Variants in COL8A1 observed in about 807,000 individuals in gnomAD.
COL8A1 encodes collagen type VIII alpha 1 chain, also known as collagen alpha-1(VIII) chain.
A neutral mutation model predicts 42.7 loss-of-function variants in COL8A1; 21 were observed. The observed-to-expected ratio is 0.49, with a 90% CI of 0.35 to 0.71. The LOEUF is 0.71. Ranked by LOEUF, COL8A1 falls within the 30% of genes least tolerant of loss-of-function variation. The pLI is 0.01. For synonymous variants in COL8A1, 367 were observed against 369.1 expected, an observed-to-expected ratio of 0.99 and a Z score of 0.06; for missense variants, 788 against 962.4, an observed-to-expected ratio of 0.82 and a Z score of 2.40.
intron 2 of COL8A1, among the ~76,000 whole-genome samples, chr3:99,766,320 CCATAGGCTCTT>C (rs1289373509): frequency 3.9e-5 from 6 of 152,256 alleles, no homozygotes; most frequent in Non-Finnish European, 8.8e-5. Flanking sequence ...ACCCTGCAGC[CCATAGGCTCTT>C]TCCACCTTGC....
intron 1 of COL8A1, among the ~76,000 whole-genome samples, chr3:99,731,700 C>T (rs750608758): frequency 6.6e-6 from 1 of 152,028 alleles, no homozygotes; most frequent in Non-Finnish European, 1.5e-5. Flanking sequence ...AAAACTGACT[C>T]ATTTGTTTTG....
At chr3:99,669,146 T>TATATATATATAGAGAGAG in intron 1 of COL8A1, among the ~76,000 whole-genome samples, 2 of 115,390 alleles carry the variant, frequency 1.7e-5, no homozygotes, top group Admixed American at 1.9e-4. Flanking sequence ...TATATATATA[T>TATATATATATAGAGAGAG]AGAGGGAGAG....
chr3:99,660,757 G>C (rs1356992604), intron 1 of COL8A1, among the ~76,000 whole-genome samples: 5 of 152,172 alleles, frequency 3.3e-5, no homozygotes, highest in Admixed American at 6.5e-5. Flanking sequence ...TTTTACCCTA[G>C]GGCTGGGGGC....
chr3:99,693,141 G>T (rs180856143), intron 1 of COL8A1, among the ~76,000 whole-genome samples: 131 of 152,244 alleles, frequency 8.6e-4, no homozygotes, highest in African/African-American at 3.0e-3. Context: ...AGTGAGCCAG[G>T]ATTGTGCCAT....
At chr3:99,688,469 C>T (rs1281311272) in intron 1 of COL8A1, among the ~76,000 whole-genome samples, 1 of 152,034 alleles carries the variant, frequency 6.6e-6, no homozygotes, top group Non-Finnish European at 1.5e-5. Context: ...TGACTTTTAC[C>T]CTCCCTCTAT....
At chr3:99,644,524 T>G (rs1937608841) in intron 1 of COL8A1, among the ~76,000 whole-genome samples, 1 of 152,270 alleles carries the variant, frequency 6.6e-6, no homozygotes, top group African/African-American at 2.4e-5. Flanking sequence ...TTAGCCCAGA[T>G]GCTTCTTCAC....
intron 1 of COL8A1, among the ~76,000 whole-genome samples, chr3:99,721,033 G>A (rs928785340): frequency 6.6e-6 from 1 of 151,310 alleles, no homozygotes; most frequent in Non-Finnish European, 1.5e-5. Context: ...AGAAGGGGAG[G>A]AAAAGATGAA....
chr3:99,699,079 T>C (rs1006789012), intron 1 of COL8A1, among the ~76,000 whole-genome samples: 13 of 152,190 alleles, frequency 8.5e-5, no homozygotes, highest in African/African-American at 3.1e-4. Context: ...CTCCACGTGA[T>C]AAATTCAAAA....
At chr3:99,725,501 G>C (rs1258331116) in intron 1 of COL8A1, among the ~76,000 whole-genome samples, 1 of 150,512 alleles carries the variant, frequency 6.6e-6, no homozygotes, top group Non-Finnish European at 1.5e-5. Flanking sequence ...TGCCATGTTG[G>C]TGTGCTGCAC....
At chr3:99,738,321 T>C (rs1940794470) in intron 1 of COL8A1, among the ~76,000 whole-genome samples, 2 of 152,174 alleles carry the variant, frequency 1.3e-5, no homozygotes, top group African/African-American at 4.8e-5. Flanking sequence ...GAGTTTCCAG[T>C]TTTTCTGTTC....
At chr3:99,766,395 G>A (rs1480250539) in intron 2 of COL8A1, among the ~76,000 whole-genome samples, 2 of 152,178 alleles carry the variant, frequency 1.3e-5, no homozygotes, top group African/African-American at 2.4e-5. Context: ...TGGGAAAGAA[G>A]AACTGAGACT....
chr3:99,667,433 T>G (rs1644055840), intron 1 of COL8A1, among the ~76,000 whole-genome samples: 1 of 152,094 alleles, frequency 6.6e-6, no homozygotes, highest in Admixed American at 6.6e-5. Flanking sequence ...CAAGTGGGGT[T>G]TTGTTGTTGT....
At chr3:99,717,160 T>G (rs1250864517) in intron 1 of COL8A1, among the ~76,000 whole-genome samples, 1 of 152,072 alleles carries the variant, frequency 6.6e-6, no homozygotes, top group East Asian at 1.9e-4. Context: ...TGTTTTGTGC[T>G]ATATATAGAA....
intron 1 of COL8A1, among the ~76,000 whole-genome samples, chr3:99,744,015 G>A (rs991888444): frequency 5.3e-5 from 8 of 149,924 alleles, no homozygotes; most frequent in Non-Finnish European, 1.2e-4. Context: ...CGCAAGCTCC[G>A]CCTCCCAGGT....
At chr3:99,766,411 G>A (rs1941464030) in intron 2 of COL8A1, among the ~76,000 whole-genome samples, 1 of 152,120 alleles carries the variant, frequency 6.6e-6, no homozygotes, top group African/African-American at 2.4e-5. Context: ...AGACTTAACA[G>A]CTCACTCAAT....
chr3:99,648,135 A>G (rs932585438), intron 1 of COL8A1, among the ~76,000 whole-genome samples: 4 of 152,166 alleles, frequency 2.6e-5, no homozygotes, highest in African/African-American at 9.7e-5. Context: ...TCAACCCTAC[A>G]AGAAGGGTGT....
intron 2 of COL8A1, among the ~76,000 whole-genome samples, chr3:99,770,509 T>G (rs1941558053): frequency 6.6e-6 from 1 of 152,192 alleles, no homozygotes; most frequent in Non-Finnish European, 1.5e-5. Context: ...ATGTGTCAAA[T>G]GTTGTGCTAA....
At chr3:99,719,032 T>G (rs1036497119) in intron 1 of COL8A1, among the ~76,000 whole-genome samples, 2 of 152,084 alleles carry the variant, frequency 1.3e-5, no homozygotes, top group African/African-American at 4.8e-5. Flanking sequence ...TATAACTCTG[T>G]GTGGGCAAGT....
intron 1 of COL8A1, among the ~76,000 whole-genome samples, chr3:99,710,909 G>T (rs1205723485): frequency 1.3e-5 from 2 of 152,062 alleles, no homozygotes; most frequent in Non-Finnish European, 2.9e-5. Context: ...TAAATGTGAG[G>T]TAGAAAAAAT....
Sources: gnomAD v4.1 joint callset for allele counts (sites outside exome capture counted in the v4.1 genomes callset) on GRCh38, gnomAD v4.1.1 for gene constraint, MANE v1.5 for transcripts, NCBI Gene and HGNC (gene_info 2026-07-23, HGNC 2026-07-21) for gene names.